Variants in GOT2 observed in about 807,000 individuals in gnomAD.
GOT2 encodes the protein aspartate aminotransferase, mitochondrial.
Under a neutral mutation model 50.0 loss-of-function variants are expected in GOT2, and 17 were observed. That is an observed-to-expected ratio of 0.34 (90% CI 0.23 to 0.51). The LOEUF is 0.51. GOT2 is among the 20% of genes least tolerant of loss of function. The probability of loss-of-function intolerance (pLI) is 0.97; values close to 1 mark genes in which losing one functional copy is unlikely to be tolerated. For missense variants in GOT2, 430 were observed against 559.6 expected, an observed-to-expected ratio of 0.77 and a Z score of 2.34; for synonymous variants, 172 against 204.9, an observed-to-expected ratio of 0.84 and a Z score of 1.37.
intron 9 of GOT2, among the ~76,000 whole-genome samples, chr16:58,708,591 C>A (rs2044621614): frequency 6.6e-6 from 1 of 150,546 alleles, no homozygotes; most frequent in Non-Finnish European, 1.5e-5. Context: ...TGCACTCCAG[C>A]CTGGGCGACA....
At chr16:58,724,602 G>A (rs1385321535) in intron 1 of GOT2, among the ~76,000 whole-genome samples, 3 of 152,082 alleles carry the variant, frequency 2.0e-5, no homozygotes, top group Non-Finnish European at 4.4e-5. Flanking sequence ...GTGCAATGAC[G>A]TGATCTCAGC....
At chr16:58,727,722 G>A (rs1354986499) in intron 1 of GOT2, among the ~76,000 whole-genome samples, 2 of 152,202 alleles carry the variant, frequency 1.3e-5, no homozygotes, top group African/African-American at 4.8e-5. Context: ...AGGTTAGGAA[G>A]GCTTCCCAGA....
At chr16:58,722,753 ACTTT>A (rs995032164) in intron 2 of GOT2, among the ~76,000 whole-genome samples, 4 of 152,086 alleles carry the variant, frequency 2.6e-5, no homozygotes, top group Admixed American at 2.6e-4. Context: ...GAACAGAAAT[ACTTT>A]CTTTTTCAAA....
intron 8 of GOT2, among the ~76,000 whole-genome samples, chr16:58,710,078 T>G (rs746489494): frequency 6.6e-6 from 1 of 152,202 alleles, no homozygotes; most frequent in Non-Finnish European, 1.5e-5. Flanking sequence ...TTTCTTTTAA[T>G]GTAGAGATGG....
intron 3 of GOT2, 81 bp downstream of exon 3, chr16:58,722,069 C>T (rs908138832): frequency 1.9e-5 from 29 of 1,506,778 alleles, no homozygotes; most frequent in Admixed American, 1.7e-4. Context: ...CGTGAGCCAT[C>T]GCGCCTGGCC....
At chr16:58,730,556 G>A (rs772198761) in intron 1 of GOT2, among the ~76,000 whole-genome samples, 2 of 151,972 alleles carry the variant, frequency 1.3e-5, no homozygotes, top group Non-Finnish European at 1.5e-5. Context: ...GTAGAGATGG[G>A]GTTGTGCCAT....
chr16:58,716,246 G>C (rs890319105), intron 7 of GOT2, 67 bp from the exon 8 acceptor site: 18 of 1,408,344 alleles, frequency 1.3e-5, no homozygotes, highest in Admixed American at 1.9e-5. Context: ...AATCATGAGT[G>C]TATTTGCTAC....
Position 58,722,177 on chromosome 16 carries a change from C to T in GOT2, c.348G>A (p.Glu116=), listed in dbSNP as rs777700205. 2.5e-5 allele frequency: 41 copies of T among 1,612,164 alleles called. No individual in the cohort carries two copies. The highest frequency in any genetic ancestry group is 3.2e-5 in the Non-Finnish European group (38 of 1,179,980). The change falls in exon 3 of 10, where the codon GAG becomes GAA. Residue 116 remains glutamate, a synonymous_variant. Transcript: ENST00000245206. ...CKASAELALG[E]NSEVLKSGRF... is the part of the protein sequence containing the mutation. ...GGCCACTCTTCAAGACTTCGCTGTTCTCACCCAGGGCTAGTTCTGCAGATG... is the reference window on the plus strand; with the variant it reads ...GGCCACTCTTCAAGACTTCGCTGTTTTCACCCAGGGCTAGTTCTGCAGATG...
In GOT2 at chr16:58,709,519, AG is replaced by A; in HGVS notation, c.1067del (p.Thr356IlefsTer31). 6.2e-7 allele frequency: 1 copy of A among 1,613,318 alleles called. No individual in the cohort carries two copies. Among genetic ancestry groups the A allele is most frequent in the Non-Finnish European group, 8.5e-7 (1 of 1,179,268 alleles). On this transcript the variant is annotated frameshift_variant, in exon 9 of 10. Transcript: ENST00000245206. LOFTEE classifies it high-confidence loss of function. ...VMADRIIGMR[T>X]QLVSNLKKEG... ...CCTTCTTGAGGTTGGAGACCAGTTG[AG>A]TCCGCATGCCAATGATGCGGTCAGC... is the stretch of plus-strand genomic sequence containing the variant.
At chr16:58,714,215 T>C (rs1451590305) in intron 8 of GOT2, among the ~76,000 whole-genome samples, 2 of 152,072 alleles carry the variant, frequency 1.3e-5, no homozygotes, top group Admixed American at 1.3e-4. Context: ...TGGCTTAGTA[T>C]GTTAAATTCA....
At chr16:58,712,781 G>A (rs558125470) in intron 8 of GOT2, among the ~76,000 whole-genome samples, 17 of 152,234 alleles carry the variant, frequency 1.1e-4, no homozygotes, top group African/African-American at 4.1e-4. Flanking sequence ...AACCAGTCCT[G>A]CACATACATA....
chr16:58,713,113 C>T (rs1307044671), intron 8 of GOT2, among the ~76,000 whole-genome samples: 2 of 150,136 alleles, frequency 1.3e-5, no homozygotes, highest in Non-Finnish European at 3.0e-5. Context: ...AACAAAAACA[C>T]AAAAAACAAA....
In GOT2 at chr16:58,720,769, G is replaced by GA. The variant is rs200330647; in HGVS notation, c.375+1380_375+1381insT. Among the ~76,000 whole-genome samples the GA allele has an allele frequency of 8.2e-3, 1,253 of 151,984 alleles. 17 individuals carry two copies. Among genetic ancestry groups the GA allele is most frequent in the African/African-American group, 0.029 (1,200 of 41,428 alleles). ...AATTTTTGTATTTTTAGTAGAGACGGGGGGGCGGGTCTCACCATATTGGTC... is the reference window on the plus strand; with the variant it reads ...AATTTTTGTATTTTTAGTAGAGACGGAGGGGGCGGGTCTCACCATATTGGTC... On this transcript the variant is annotated intron_variant, in intron 3 of 9. Transcript: ENST00000245206.
chr16:58,729,662 T>C (rs2044816676), intron 1 of GOT2, among the ~76,000 whole-genome samples: 1 of 152,148 alleles, frequency 6.6e-6, no homozygotes, highest in Non-Finnish European at 1.5e-5. Flanking sequence ...TTCTTTAAAA[T>C]GTTAAGCATA....
At chr16:58,719,854 A>G (rs1176623914) in intron 3 of GOT2, among the ~76,000 whole-genome samples, 1 of 152,184 alleles carries the variant, frequency 6.6e-6, no homozygotes, top group Non-Finnish European at 1.5e-5. Context: ...TCTAAACATC[A>G]AAGTTCCTTG....
At chr16:58,717,941 C>G (rs908643309) in intron 6 of GOT2, among the ~76,000 whole-genome samples, 1 of 152,226 alleles carries the variant, frequency 6.6e-6, no homozygotes, top group Non-Finnish European at 1.5e-5. Flanking sequence ...CCTGCCTCGA[C>G]CTCCCAAAGT....
At chr16:58,718,384 G>A in intron 5 of GOT2, 84 bp from the exon 6 acceptor site, 1 of 1,372,934 alleles carries the variant, frequency 7.3e-7, no homozygotes, top group Non-Finnish European at 1.0e-6. Flanking sequence ...GTCATCATTT[G>A]ATAAGTAACA....
In GOT2 at chr16:58,725,628, GTCTT is replaced by G. The variant is rs1446995591; in HGVS notation, c.90-1730_90-1727del. Among the ~76,000 whole-genome samples the G allele has an allele frequency of 3.9e-5, 6 of 152,214 alleles. No individual in the cohort carries two copies. The South Asian group carries it at 1.2e-3, about 32-fold the overall frequency. On this transcript the variant is annotated intron_variant, in intron 1 of 9. Transcript: ENST00000245206. The stretch of plus-strand genomic sequence containing the variant: ...AGCTTTGAGTCATTAAAATAAAAAG[GTCTT>G]TCTTTGTTGCCACTTTAAGGAGGTA...
chr16:58,732,175 T>G (rs2044839453), intron 1 of GOT2, among the ~76,000 whole-genome samples: 1 of 152,148 alleles, frequency 6.6e-6, no homozygotes, highest in African/African-American at 2.4e-5. Context: ...TGTGGTGGTG[T>G]ATGCCTGCAG....
Sources: allele counts gnomAD v4.1 joint callset (sites outside exome capture counted in the v4.1 genomes callset), GRCh38; gene constraint gnomAD v4.1.1; transcripts MANE v1.5; gene names NCBI Gene and HGNC (gene_info 2026-07-23, HGNC 2026-07-21).